FARSB: variants seen among roughly 807,000 people sequenced by gnomAD.
The protein encoded by FARSB is phenylalanyl-tRNA synthetase subunit beta.
FARSB carries 40 observed loss-of-function variants against 69.6 expected under a neutral mutation model. The ratio of observed to expected loss-of-function variants is 0.57; its 90% CI spans 0.45 to 0.75. The LOEUF is 0.75. Ranked by LOEUF, FARSB falls within the 30% of genes least tolerant of loss-of-function variation. FARSB has a pLI of 0.00. For synonymous variants in FARSB, 235 were observed against 247.2 expected, an observed-to-expected ratio of 0.95 and a Z score of 0.46; for missense variants, 632 against 722.9, an observed-to-expected ratio of 0.87 and a Z score of 1.44.
At chr2:222,577,139 AAC>A (rs1232978238) in intron 16 of FARSB, among the ~76,000 whole-genome samples, 1 of 152,186 alleles carries the variant, frequency 6.6e-6, no homozygotes. Flanking sequence ...TGAGATATAA[AAC>A]ACACAAACAT....
chr2:222,639,777 C>A, intron 4 of FARSB, 82 bp from the exon 5 acceptor site: 1 of 521,758 alleles, frequency 1.9e-6, no homozygotes. Context: ...TAGCTGCATT[C>A]TTGCCACTGG....
chr2:222,630,485 C>T (rs1473592700), intron 8 of FARSB, among the ~76,000 whole-genome samples: 1 of 152,150 alleles, frequency 6.6e-6, no homozygotes, highest in African/African-American at 2.4e-5. Context: ...TCTTAACAAT[C>T]TCCTAAGTCT....
In FARSB at chr2:222,626,809, G is replaced by A. The variant is rs535378650; in HGVS notation, c.900+2028C>T. ...AGCATTTTGGGAGGCCAAAGCGGGC[G>A]GATCACAAGGTCAGGAGATCAAGAC... On this transcript the variant is annotated intron_variant, in intron 10 of 16. Coordinates refer to ENST00000281828, the MANE Select transcript of FARSB (RefSeq NM_005687.5). 1.2e-4 allele frequency among the ~76,000 whole-genome samples: 18 copies of A among 152,184 alleles called. No individual in the cohort carries two copies. In the East Asian group the frequency reaches 1.9e-3, roughly 16 times the overall value.
intron 16 of FARSB, 142 bp from the exon 17 acceptor site, chr2:222,572,164 A>T (rs1367611557): frequency 1.5e-6 from 1 of 680,966 alleles, no homozygotes; most frequent in Non-Finnish European, 2.4e-6. Flanking sequence ...GCTTCCTCAT[A>T]CTTTCTAGTA....
At position 222,587,888 on chromosome 2, in the gene FARSB, T is replaced by G. The variant is rs183656060; in HGVS notation, c.1618+12040A>C. On this transcript the variant is annotated intron_variant, in intron 16 of 16. Coordinates refer to ENST00000281828, the MANE Select transcript of FARSB (RefSeq NM_005687.5). ...TTAAGAGCCTACCAACCAAAAAAAGTCCAGGACCAGATGGATTCACAGCCA... is the reference window on the plus strand; with the variant it reads ...TTAAGAGCCTACCAACCAAAAAAAGGCCAGGACCAGATGGATTCACAGCCA... Among the ~76,000 whole-genome samples, 409 of 152,072 alleles carry G rather than the reference T, an allele frequency of 2.7e-3. 1 individual carries two copies. Among genetic ancestry groups the G allele is most frequent in the African/African-American group, 9.4e-3 (389 of 41,478 alleles).
At chr2:222,584,608 AGAC>A (rs1373634272) in intron 16 of FARSB, among the ~76,000 whole-genome samples, 7 of 152,238 alleles carry the variant, frequency 4.6e-5, no homozygotes, top group Non-Finnish European at 1.0e-4. Flanking sequence ...ATGCCGTGAC[AGAC>A]GGTACCTGGA....
Position 222,634,442 on chromosome 2 carries a change from A to C in FARSB, c.555T>G (p.Pro185=). 1 of 1,611,772 alleles carries C rather than the reference A, an allele frequency of 6.2e-7. No individual in the cohort carries two copies. Among genetic ancestry groups the C allele is most frequent in the Non-Finnish European group, 8.5e-7 (1 of 1,178,296 alleles). ...CTGTATACTCCTTGGTCTTATTTAG[A>C]GGCTTGAATTTGATATCTGAAGGAC... The part of the protein sequence containing the change: ...AKRPSDIKFK[P]LNKTKEYTAC... Residue 185 remains proline (P), a synonymous_variant, in exon 6 of 17, where the codon CCT becomes CCG. Coordinates refer to ENST00000281828, the MANE Select transcript of FARSB (RefSeq NM_005687.5).
chr2:222,637,671 T>C (rs1691619187), intron 5 of FARSB, among the ~76,000 whole-genome samples: 3 of 151,992 alleles, frequency 2.0e-5, no homozygotes, highest in Admixed American at 1.3e-4. Flanking sequence ...AAGAGAAGAA[T>C]CAATGAAACC....
At chr2:222,608,459 C>T (rs552109684) in intron 15 of FARSB, among the ~76,000 whole-genome samples, 1 of 152,288 alleles carries the variant, frequency 6.6e-6, no homozygotes, top group Admixed American at 6.5e-5. Context: ...CAAACACCAA[C>T]ATACATATAT....
intron 15 of FARSB, among the ~76,000 whole-genome samples, chr2:222,606,996 GC>G (rs1327212320): frequency 6.6e-6 from 1 of 152,118 alleles, no homozygotes; most frequent in Non-Finnish European, 1.5e-5. Context: ...ATAAAACAAA[GC>G]AACTTGATTC....
At chr2:222,582,293 G>A (rs1315910569) in intron 16 of FARSB, among the ~76,000 whole-genome samples, 2 of 152,180 alleles carry the variant, frequency 1.3e-5, no homozygotes, top group Non-Finnish European at 2.9e-5. Flanking sequence ...TCCAATGTAG[G>A]CTGTCAGGTA....
In FARSB at chr2:222,571,737, C is replaced by T. The variant is rs1453096606; in HGVS notation, c.*134G>A. 5 of 741,192 alleles carry T rather than the reference C, an allele frequency of 6.7e-6. No individual in the cohort carries two copies. The highest frequency in any genetic ancestry group is 1.1e-5 in the Non-Finnish European group (5 of 460,256). 45.9% of individuals were successfully genotyped at this position (741,192 alleles called of 1,614,324 possible). On this transcript the variant is annotated 3_prime_UTR_variant, in exon 17 of 17. Transcript: ENST00000281828. ...GCAGGGAAAGGATGGTCTCTACCCACACAGCCAGACAGTGCTTTCTACTTT... is the reference window on the plus strand; with the variant it reads ...GCAGGGAAAGGATGGTCTCTACCCATACAGCCAGACAGTGCTTTCTACTTT...
chr2:222,573,651 T>G (rs1689767271), intron 16 of FARSB, among the ~76,000 whole-genome samples: 1 of 152,098 alleles, frequency 6.6e-6, no homozygotes, highest in Non-Finnish European at 1.5e-5. Flanking sequence ...AAGTGAAGAT[T>G]ATATAAGGTG....
intron 16 of FARSB, among the ~76,000 whole-genome samples, chr2:222,572,867 TC>T (rs1689749794): frequency 6.6e-6 from 1 of 152,224 alleles, no homozygotes; most frequent in South Asian, 2.1e-4. Context: ...TTATCAGTGT[TC>T]TGTACTCTTC....
At chr2:222,655,843 G>A (rs977325633) in intron 1 of FARSB, among the ~76,000 whole-genome samples, 173 bp downstream of exon 1, 1 of 152,260 alleles carries the variant, frequency 6.6e-6, no homozygotes, top group Non-Finnish European at 1.5e-5. Flanking sequence ...TGCCGGTTCC[G>A]AGGCTACCAC....
At chr2:222,603,050 C>T (rs1690605197) in intron 15 of FARSB, among the ~76,000 whole-genome samples, 1 of 151,624 alleles carries the variant, frequency 6.6e-6, no homozygotes, top group Non-Finnish European at 1.5e-5. Flanking sequence ...AAAGAAGTAC[C>T]TAAGTATAGA....
At chr2:222,627,017 C>A (rs1374300406) in intron 10 of FARSB, among the ~76,000 whole-genome samples, 1 of 152,100 alleles carries the variant, frequency 6.6e-6, no homozygotes, top group Non-Finnish European at 1.5e-5. Flanking sequence ...GCCTTGGCGA[C>A]AGAGGGAGAC....
chr2:222,647,129 T>C (rs1050858870), intron 2 of FARSB, among the ~76,000 whole-genome samples: 1 of 152,198 alleles, frequency 6.6e-6, no homozygotes, highest in Non-Finnish European at 1.5e-5. Context: ...TGCTTATAAA[T>C]TTCCTTTCTG....
At chr2:222,639,464 G>A (rs946357026) in intron 5 of FARSB, 116 bp downstream of exon 5, 9 of 449,046 alleles carry the variant, frequency 2.0e-5, no homozygotes, top group African/African-American at 1.8e-4. Flanking sequence ...GAAGGAGAGA[G>A]AGAGAAAGAA....
Sources: allele counts gnomAD v4.1 joint callset (sites outside exome capture counted in the v4.1 genomes callset), GRCh38; gene constraint gnomAD v4.1.1; transcripts MANE v1.5; gene names NCBI Gene and HGNC (gene_info 2026-07-23, HGNC 2026-07-21).